ANKRD29: variants seen among roughly 807,000 people sequenced by gnomAD.
ANKRD29 encodes the protein ankyrin repeat domain-containing protein 29.
ANKRD29 carries 32 observed loss-of-function variants against 38.0 expected under a neutral mutation model. The ratio of observed to expected loss-of-function variants is 0.84; its 90% CI spans 0.64 to 1.13. The LOEUF (loss-of-function observed/expected upper bound fraction) is 1.13. Ranked by LOEUF, ANKRD29 falls within the 50% of genes most tolerant of loss-of-function variation. The pLI is 0.00. For missense variants in ANKRD29, 357 were observed against 377.9 expected, an observed-to-expected ratio of 0.94 and a Z score of 0.46; for synonymous variants, 135 against 152.4, an observed-to-expected ratio of 0.89 and a Z score of 0.84.
chr18:23,648,904 A>T, intron 2 of ANKRD29, 179 bp downstream of exon 2: 1 of 520,538 alleles, frequency 1.9e-6, no homozygotes, highest in Non-Finnish European at 3.3e-6. Context: ...TTTCTTTCTG[A>T]CTTCCCCCAG....
intron 5 of ANKRD29, among the ~76,000 whole-genome samples, chr18:23,631,699 C>T (rs2059934534): frequency 1.3e-5 from 2 of 152,208 alleles, no homozygotes; most frequent in African/African-American, 4.8e-5. Context: ...CACAAAAAAG[C>T]ACTCCTGCAT....
At position 23,612,212 on chromosome 18, in the gene ANKRD29, T is replaced by C. The variant is rs776770947; in HGVS notation, c.724-22A>G. On this transcript the variant is annotated intron_variant, in intron 8 of 9. Coordinates refer to ENST00000592179, the MANE Select transcript of ANKRD29 (RefSeq NM_173505.4). Reference sequence around the variant, plus strand: ...CATTCTAAGAGAAAATGACAGTGTGTGTCAGGAGTGAGCTCACAGCCATTG... The same window carrying C: ...CATTCTAAGAGAAAATGACAGTGTGCGTCAGGAGTGAGCTCACAGCCATTG... 2.5e-6 allele frequency: 4 copies of C among 1,603,290 alleles called. No individual in the cohort carries two copies. The South Asian group carries it at 3.3e-5, about 13-fold the overall frequency.
In ANKRD29 at chr18:23,661,734, C is replaced by T. The variant is rs956689280; in HGVS notation, c.21+976G>A. ...CAGGAAAAAAAACTTTAAAGTCATT[C>T]ACATTCGTCTGCTTCGTTCCATTCT... is the stretch of plus-strand genomic sequence containing the variant. On this transcript the variant is annotated intron_variant, in intron 1 of 9. Coordinates refer to ENST00000592179, the MANE Select transcript of ANKRD29 (RefSeq NM_173505.4). Among the ~76,000 whole-genome samples the T allele has an allele frequency of 2.0e-5, 3 of 152,154 alleles. No homozygotes were observed. In the East Asian group the frequency reaches 5.8e-4, roughly 29 times the overall value.
At position 23,601,120 on chromosome 18, in the gene ANKRD29, G is replaced by T; in HGVS notation, c.*106C>A. The T allele has an allele frequency of 9.8e-7, 1 of 1,017,418 alleles. No homozygotes were observed. The highest frequency in any genetic ancestry group is 1.5e-6 in the Non-Finnish European group (1 of 687,938). 63.0% of individuals were successfully genotyped at this position (1,017,418 alleles called of 1,614,324 possible). A position where few individuals can be genotyped will look rare whatever the true frequency, so the allele number is the denominator to read the frequency against. The stretch of plus-strand genomic sequence containing the variant: ...AGGGACCCACAGGATGGGCATTCTG[G>T]GCATCTTTTTTTTTCATAAAAGAAT... On this transcript the variant is annotated 3_prime_UTR_variant, in exon 10 of 10. Coordinates refer to ENST00000592179, the MANE Select transcript of ANKRD29 (RefSeq NM_173505.4).
chr18:23,647,222 T>G (rs892725947), intron 2 of ANKRD29: 1 of 152,228 alleles, frequency 6.6e-6, no homozygotes, highest in Admixed American at 6.5e-5. Context: ...ATGTAACCCT[T>G]AAGTCTCATT....
At chr18:23,628,588 C>T in intron 6 of ANKRD29, among the ~76,000 whole-genome samples, 1 of 152,178 alleles carries the variant, frequency 6.6e-6, no homozygotes, top group Non-Finnish European at 1.5e-5. Flanking sequence ...GTAACCCCAG[C>T]ACTTTGGGAG....
intron 3 of ANKRD29, among the ~76,000 whole-genome samples, chr18:23,641,863 C>T (rs1243922812): frequency 1.3e-5 from 2 of 152,194 alleles, no homozygotes; most frequent in African/African-American, 4.8e-5. Flanking sequence ...AGGAACTACA[C>T]ACTGTGGGTC....
rs201307423 is a variant in ANKRD29, at chr18:23,619,548, G to A, written c.610C>T (p.Arg204Cys). The change falls in exon 7 of 10, where the codon CGC becomes TGC. Residue 204 changes from arginine to cysteine, a missense_variant. Physicochemically the swap from Arg to Cys is radical, Grantham distance 180. Transcript: ENST00000592179. ...VRVMLLRGAD[R>C]DAARNDGTTA... ...GCACTCACGTTCCGCGCAGCGTCGCGGTCGGCTCCGCGCAGCAGCATCACC... is the reference window on the plus strand; with the variant it reads ...GCACTCACGTTCCGCGCAGCGTCGCAGTCGGCTCCGCGCAGCAGCATCACC... The A allele has an allele frequency of 3.8e-6, 6 of 1,593,970 alleles. No homozygotes were observed. Among genetic ancestry groups the A allele is most frequent in the East Asian group, 2.3e-5 (1 of 44,410 alleles).
At chr18:23,626,198 T>G (rs1434852308) in intron 6 of ANKRD29, among the ~76,000 whole-genome samples, 2 of 152,220 alleles carry the variant, frequency 1.3e-5, no homozygotes, top group Non-Finnish European at 2.9e-5. Context: ...GTTTAATTTC[T>G]GGGTCCAGCT....
At chr18:23,653,272 G>A (rs1414813156) in intron 1 of ANKRD29, among the ~76,000 whole-genome samples, 1 of 152,132 alleles carries the variant, frequency 6.6e-6, no homozygotes, top group Non-Finnish European at 1.5e-5. Flanking sequence ...TATTTAAGAT[G>A]GATAATCTCA....
At chr18:23,631,792 T>C (rs2059935696) in intron 5 of ANKRD29, among the ~76,000 whole-genome samples, 1 of 152,196 alleles carries the variant, frequency 6.6e-6, no homozygotes, top group African/African-American at 2.4e-5. Context: ...GCATTTCTGT[T>C]TTCTTGGACA....
chr18:23,637,685 A>C (rs1237131917), intron 4 of ANKRD29, among the ~76,000 whole-genome samples: 2 of 152,092 alleles, frequency 1.3e-5, no homozygotes, highest in Non-Finnish European at 2.9e-5. Flanking sequence ...GGTGTGAGCC[A>C]CCTTGGCCAG....
intron 5 of ANKRD29, among the ~76,000 whole-genome samples, chr18:23,633,822 G>T (rs2059964613): frequency 6.6e-6 from 1 of 151,952 alleles, no homozygotes; most frequent in Non-Finnish European, 1.5e-5. Flanking sequence ...ACCCACCTCG[G>T]CCTCCCAAAG....
intron 1 of ANKRD29, among the ~76,000 whole-genome samples, chr18:23,654,278 A>AT (rs2060248709): frequency 2.3e-5 from 3 of 130,058 alleles, no homozygotes; most frequent in Non-Finnish European, 4.7e-5. Flanking sequence ...AGCCTCCACA[A>AT]AAAATAAATA....
chr18:23,639,900 T>TG (rs918112650), intron 3 of ANKRD29, among the ~76,000 whole-genome samples: 32 of 152,222 alleles, frequency 2.1e-4, no homozygotes, highest in African/African-American at 7.0e-4. Context: ...TGCCAGGGGC[T>TG]GGGGGAAGGG....
intron 6 of ANKRD29, 154 bp from the exon 7 acceptor site, chr18:23,619,783 G>A (rs1599084542): frequency 6.7e-6 from 4 of 597,108 alleles, no homozygotes; most frequent in Non-Finnish European, 1.1e-5. Context: ...CACCGCCCAG[G>A]AGGCAGTGAG....
chr18:23,644,381 C>T (rs6507814), intron 3 of ANKRD29, among the ~76,000 whole-genome samples: 19,322 of 152,058 alleles, frequency 0.13, 2,818 homozygotes, highest in African/African-American at 0.33. Context: ...AAACAAAGAC[C>T]ATAAAGCAGA....
intron 6 of ANKRD29, among the ~76,000 whole-genome samples, chr18:23,627,370 T>C (rs960952827): frequency 6.6e-5 from 10 of 152,212 alleles, no homozygotes; most frequent in African/African-American, 2.4e-4. Context: ...AGATGCAGTC[T>C]TTAGAAGTTG....
chr18:23,627,251 A>G (rs2059873077), intron 6 of ANKRD29, among the ~76,000 whole-genome samples: 1 of 152,202 alleles, frequency 6.6e-6, no homozygotes, highest in Non-Finnish European at 1.5e-5. Flanking sequence ...AAAAAGGAAA[A>G]ATTCCATTGC....
Sources: allele counts gnomAD v4.1 joint callset (sites outside exome capture counted in the v4.1 genomes callset), GRCh38; gene constraint gnomAD v4.1.1; transcripts MANE v1.5; gene names NCBI Gene and HGNC (gene_info 2026-07-23, HGNC 2026-07-21).